The following CPNE4 variants were observed in gnomAD, a reference collection of about 807,000 sequenced individuals.
CPNE4 encodes the protein copine-4.
In CPNE4, 25 loss-of-function variants were observed where a neutral mutation model predicts 67.9. The observed-to-expected ratio is 0.37, with a 90% CI of 0.27 to 0.51. The LOEUF (loss-of-function observed/expected upper bound fraction) is 0.51. Among genes scored for constraint, CPNE4 ranks in the 20% least tolerant of loss-of-function variants. CPNE4 has a pLI of 0.93. For missense variants in CPNE4, 464 were observed against 690.8 expected (o/e 0.67, Z 3.68); for synonymous variants, 242 against 244.9 (o/e 0.99, Z 0.11).
intron 7 of CPNE4, among the ~76,000 whole-genome samples, chr3:131,596,802 T>C (rs1166105867): frequency 1.3e-5 from 2 of 152,240 alleles, no homozygotes; most frequent in Non-Finnish European, 2.9e-5. Flanking sequence ...CAGTCTGCCC[T>C]TCCTGATGGC....
chr3:131,874,380 G>T (rs1204485522), intron 2 of CPNE4, among the ~76,000 whole-genome samples: 2 of 152,124 alleles, frequency 1.3e-5, no homozygotes, highest in African/African-American at 4.8e-5. Flanking sequence ...GAGCCACCGC[G>T]CCTGGCCTCA....
intron 7 of CPNE4, among the ~76,000 whole-genome samples, chr3:131,594,989 C>T (rs1341042538): frequency 1.3e-5 from 2 of 152,134 alleles, no homozygotes; most frequent in African/African-American, 4.8e-5. Context: ...AAATGCAAAT[C>T]AAACTCCAGT....
At chr3:131,923,764 CAA>C in intron 1 of CPNE4, among the ~76,000 whole-genome samples, 1 of 139,470 alleles carries the variant, frequency 7.2e-6, no homozygotes, top group East Asian at 2.2e-4. Context: ...CCAACAGAAC[CAA>C]AGAGGGGTCT....
At chr3:132,026,770 A>G (rs1560809002) in intron 1 of CPNE4, among the ~76,000 whole-genome samples, 1 of 152,188 alleles carries the variant, frequency 6.6e-6, no homozygotes, top group Non-Finnish European at 1.5e-5. Context: ...CAAGGTTGGG[A>G]AAGTAGGAAA....
chr3:131,964,767 T>C (rs1225065), intron 1 of CPNE4, among the ~76,000 whole-genome samples: 86,439 of 151,822 alleles, frequency 0.57, 25,743 homozygotes, highest in African/African-American at 0.75. Flanking sequence ...CTGAAAGTGA[T>C]GAGGAGAATG....
At chr3:131,614,584 T>C (rs1433826265) in intron 7 of CPNE4, among the ~76,000 whole-genome samples, 1 of 152,206 alleles carries the variant, frequency 6.6e-6, no homozygotes, top group Non-Finnish European at 1.5e-5. Flanking sequence ...GAGTCGTTTT[T>C]GAAGTAGGTC....
chr3:131,756,089 A>G (rs1157552089), intron 2 of CPNE4, among the ~76,000 whole-genome samples: 3 of 152,196 alleles, frequency 2.0e-5, no homozygotes, highest in Non-Finnish European at 2.9e-5. Context: ...ATAAAGAAAC[A>G]GCGAGTAAAA....
chr3:132,020,115 G>C (rs971316154), intron 1 of CPNE4, among the ~76,000 whole-genome samples: 2 of 9,990 alleles, frequency 2.0e-4, no homozygotes, highest in South Asian at 2.0e-3. Context: ...ATGGAAAAAA[G>C]TGACCCGTCC....
At chr3:131,660,257 T>C (rs2080087257) in intron 7 of CPNE4, among the ~76,000 whole-genome samples, 1 of 152,190 alleles carries the variant, frequency 6.6e-6, no homozygotes, top group South Asian at 2.1e-4. Context: ...AAAAAGTTAT[T>C]TTGACATTGA....
At chr3:131,806,246 T>A (rs1340085556) in intron 2 of CPNE4, among the ~76,000 whole-genome samples, 19 of 152,200 alleles carry the variant, frequency 1.2e-4, no homozygotes, top group Admixed American at 1.2e-3. Context: ...TAAATATTAA[T>A]TAGAACATAA....
At chr3:131,958,974 T>TCAA (rs1346059437) in intron 1 of CPNE4, among the ~76,000 whole-genome samples, 39 of 1,738 alleles carry the variant, frequency 0.022, 19 homozygotes, top group Admixed American at 0.07. Flanking sequence ...ACCTTTCTTT[T>TCAA]TTTTTTTTTT....
Position 131,861,418 on chromosome 3 carries a change from G to A in CPNE4, c.180+43846C>T, listed in dbSNP as rs1365742644. Among the ~76,000 whole-genome samples the A allele has an allele frequency of 1.2e-4, 11 of 93,082 alleles. No individual in the cohort carries two copies. In the South Asian group the frequency reaches 3.3e-3, roughly 28 times the overall value. The allele number at this position is 93,082 out of a possible 152,430, so 61.1% of individuals were successfully genotyped here. Reference sequence around the variant, plus strand: ...ATCTCATCTTTGTGTGTGTGTGTGTGTGTGTGTGTGTGTGTGTGTGTGTGT... The same window carrying A: ...ATCTCATCTTTGTGTGTGTGTGTGTATGTGTGTGTGTGTGTGTGTGTGTGT... On this transcript the variant is annotated intron_variant, in intron 2 of 15. Transcript: ENST00000429747.
intron 2 of CPNE4, among the ~76,000 whole-genome samples, chr3:131,877,151 T>G (rs2087493546): frequency 6.6e-6 from 1 of 152,162 alleles, no homozygotes; most frequent in Non-Finnish European, 1.5e-5. Flanking sequence ...GCCATTGAGA[T>G]ATAAGCAGAA....
chr3:131,813,157 C>T lies in CPNE4; in HGVS notation c.181-89532G>A, dbSNP rs184485362. The stretch of plus-strand genomic sequence containing the variant: ...AATTTCAGTCTAATGAAACTTATTC[C>T]GATAAAAATGGGAGAAAATCTGGGA... On this transcript the variant is annotated intron_variant, in intron 2 of 15. Transcript: ENST00000429747. Among the ~76,000 whole-genome samples the T allele has an allele frequency of 1.3e-4, 20 of 151,474 alleles. No individual in the cohort carries two copies. In the East Asian group the frequency reaches 2.5e-3, roughly 19 times the overall value.
intron 2 of CPNE4, among the ~76,000 whole-genome samples, chr3:131,851,690 G>A (rs777163167): frequency 9.9e-5 from 15 of 152,086 alleles, no homozygotes; most frequent in Admixed American, 9.8e-4. Context: ...TTAGAAAGAG[G>A]AAGGCAGAGC....
At chr3:131,579,557 AG>A (rs1937653759) in intron 9 of CPNE4, among the ~76,000 whole-genome samples, 1 of 152,208 alleles carries the variant, frequency 6.6e-6, no homozygotes, top group Non-Finnish European at 1.5e-5. Context: ...TTTCTGGAAA[AG>A]ATTCATGATT....
At chr3:131,616,950 G>A (rs568716078) in intron 7 of CPNE4, among the ~76,000 whole-genome samples, 2 of 152,258 alleles carry the variant, frequency 1.3e-5, no homozygotes, top group Admixed American at 1.3e-4. Flanking sequence ...GGGATAATGA[G>A]GGCTAGGGAC....
chr3:131,725,001 C>T (rs796705202), intron 2 of CPNE4, among the ~76,000 whole-genome samples: 11 of 152,246 alleles, frequency 7.2e-5, no homozygotes, highest in African/African-American at 2.6e-4. Context: ...ACCCATCCTT[C>T]CTATTTTACA....
intron 2 of CPNE4, among the ~76,000 whole-genome samples, chr3:131,809,506 C>T (rs971741713): frequency 4.0e-5 from 6 of 150,656 alleles, no homozygotes; most frequent in African/African-American, 1.5e-4. Context: ...AAGTGAATAC[C>T]CCTTCCCGCT....
Sources: allele counts gnomAD v4.1 joint callset (sites outside exome capture counted in the v4.1 genomes callset), GRCh38; gene constraint gnomAD v4.1.1; transcripts MANE v1.5; gene names NCBI Gene and HGNC (gene_info 2026-07-23, HGNC 2026-07-21).